The following PIEZO2 variants were observed in gnomAD, a reference collection of about 807,000 sequenced individuals.
PIEZO2 encodes piezo type mechanosensitive ion channel component 2.
PIEZO2 carries 172 observed loss-of-function variants against 337.3 expected under a neutral mutation model. The ratio of observed to expected loss-of-function variants is 0.51; its 90% CI spans 0.45 to 0.58. The LOEUF is 0.58. Ranked by LOEUF, PIEZO2 falls within the 20% of genes least tolerant of loss-of-function variation. PIEZO2 has a pLI of 0.00. For missense variants in PIEZO2, 3,028 were observed against 3,391.3 expected (o/e 0.89, Z 2.66); for synonymous variants, 1,251 against 1,228.5 (o/e 1.02, Z -0.38).
intron 33 of PIEZO2, chr18:10,739,980 G>A (rs2037155008): frequency 6.6e-6 from 1 of 152,164 alleles, no homozygotes. Context: ...ATTTCCTAGT[G>A]ATTCTAAATA....
In PIEZO2 at chr18:11,110,028, T is replaced by C. The variant is rs2039683391; in HGVS notation, c.64+38497A>G. Among the ~76,000 whole-genome samples the C allele has an allele frequency of 6.6e-6, 1 of 152,216 alleles. No homozygotes were observed. The highest frequency in any genetic ancestry group is 2.4e-5 in the African/African-American group (1 of 41,456). On this transcript the variant is annotated intron_variant, in intron 1 of 55. Transcript: ENST00000674853. This position sits in a 1 kb window ranked among gnomAD's most constrained non-coding sequence, Gnocchi z 4.2. ...CATGTTTCTTCCATTTCCATCTTTA[T>C]CTCCATGGTGGGTGGACAATGACAG...
intron 1 of PIEZO2, among the ~76,000 whole-genome samples, chr18:11,138,278 T>C (rs1165350393): frequency 6.6e-6 from 1 of 152,216 alleles, no homozygotes; most frequent in Non-Finnish European, 1.5e-5. Context: ...ATAGTGTTTT[T>C]TTTGTTGTTG....
rs1197337733 is a variant in PIEZO2, at chr18:11,047,136, C to A, written c.160+18991G>T. 1.3e-5 allele frequency among the ~76,000 whole-genome samples: 2 copies of A among 152,204 alleles called. No homozygotes were observed. Among genetic ancestry groups the A allele is most frequent in the African/African-American group, 4.8e-5 (2 of 41,454 alleles). ...TGGCCTGTCCAGGTACACTCAGGAG[C>A]CCCGTTTTCTGCACGTGCCTCCCTG... is the stretch of plus-strand genomic sequence containing the variant. On this transcript the variant is annotated intron_variant, in intron 2 of 55. Transcript: ENST00000674853. This position sits in a 1 kb window ranked among gnomAD's most constrained non-coding sequence, Gnocchi z 7.2.
chr18:11,114,394 G>T (rs2039824293), intron 1 of PIEZO2, among the ~76,000 whole-genome samples: 1 of 152,206 alleles, frequency 6.6e-6, no homozygotes, highest in Non-Finnish European at 1.5e-5. Flanking sequence ...GGCCAAACGT[G>T]GTGGCTCACG....
intron 2 of PIEZO2, among the ~76,000 whole-genome samples, chr18:11,062,342 G>C (rs1341874944): frequency 6.6e-6 from 1 of 152,120 alleles, no homozygotes; most frequent in Admixed American, 6.5e-5. Flanking sequence ...TCAGGACATA[G>C]GCATGGGCAA....
At chr18:10,699,323 C>G in intron 43 of PIEZO2, 146 bp from the exon 44 acceptor site, 2 of 1,122,998 alleles carry the variant, frequency 1.8e-6, no homozygotes, top group Non-Finnish European at 2.5e-6. Context: ...CATATCTCAT[C>G]TTGAATTCCC....
chr18:10,909,726 A>T (rs187174214), intron 4 of PIEZO2, among the ~76,000 whole-genome samples: 7 of 152,306 alleles, frequency 4.6e-5, no homozygotes, highest in Admixed American at 4.6e-4. Context: ...TATGTTTTAG[A>T]TGTTTCATAT....
intron 13 of PIEZO2, among the ~76,000 whole-genome samples, chr18:10,793,131 C>A: frequency 6.6e-6 from 1 of 152,040 alleles, no homozygotes; most frequent in South Asian, 2.1e-4. Context: ...TGGTAGTGGG[C>A]GCCTGTAGTC....
Position 10,863,355 on chromosome 18 carries a change from A to G in PIEZO2, c.493-6144T>C, listed in dbSNP as rs1488845550. Reference sequence around the variant, plus strand: ...CTAACGTGATCGCATTTAATGGATAAAGCAAATATTTTATTCTGTTGCTAC... The same window carrying G: ...CTAACGTGATCGCATTTAATGGATAGAGCAAATATTTTATTCTGTTGCTAC... On this transcript the variant is annotated intron_variant, in intron 5 of 55. Coordinates refer to ENST00000674853, the MANE Select transcript of PIEZO2 (RefSeq NM_001378183.1). This position sits in a 1 kb window ranked among gnomAD's most constrained non-coding sequence, Gnocchi z 4.3. 5.9e-5 allele frequency among the ~76,000 whole-genome samples: 9 copies of G among 152,230 alleles called. No homozygotes were observed. The highest frequency in any genetic ancestry group is 5.2e-4 in the Admixed American group (8 of 15,290).
rs557714445 is a variant in PIEZO2 at position 10,968,856 on chromosome 18, AG to A, written c.286+10678del. Among the ~76,000 whole-genome samples the A allele has an allele frequency of 6.6e-5, 10 of 152,332 alleles. No individual in the cohort carries two copies. The East Asian group carries it at 1.9e-3, about 29-fold the overall frequency. On this transcript the variant is annotated intron_variant, in intron 3 of 55. Coordinates refer to ENST00000674853, the MANE Select transcript of PIEZO2 (RefSeq NM_001378183.1). Reference sequence around the variant, plus strand: ...TTTAAATATCTCTCAAGTAAATGTAAGGCATAAATTATATTAGCAACTGCTT... The same window carrying A: ...TTTAAATATCTCTCAAGTAAATGTAAGCATAAATTATATTAGCAACTGCTT...
chr18:10,851,113 T>G (rs1421909521), intron 7 of PIEZO2, among the ~76,000 whole-genome samples: 1 of 151,480 alleles, frequency 6.6e-6, no homozygotes, highest in East Asian at 1.9e-4. Context: ...TATGTTTGTT[T>G]CCTTCTTTCT....
rs1272389222 is a variant in PIEZO2, at chr18:10,699,126, C to T, written c.6493G>A (p.Glu2165Lys). Residue 2165 changes from glutamate to lysine, a missense_variant, in exon 44 of 56, where the codon GAG (glutamate) becomes AAG (lysine). Coordinates refer to ENST00000674853, the MANE Select transcript of PIEZO2 (RefSeq NM_001378183.1). ...DDMTESGMAR[E>K]ESDDELSLGH... ...AGGGAGAGCTCATCATCTGATTCCT[C>T]CCTGGCCATGCCACTTTCAGTCATG... 20 of 1,537,248 alleles carry T rather than the reference C, an allele frequency of 1.3e-5. No individual in the cohort carries two copies. The highest frequency in any genetic ancestry group is 1.5e-5 in the Non-Finnish European group (17 of 1,146,904).
At chr18:10,755,501 T>C (rs1022737161) in intron 27 of PIEZO2, among the ~76,000 whole-genome samples, 2 of 152,344 alleles carry the variant, frequency 1.3e-5, no homozygotes, top group East Asian at 3.9e-4. Context: ...ACTGAAGATC[T>C]GACTGCAGAG....
chr18:10,801,348 C>A, intron 10 of PIEZO2, 42 bp downstream of exon 10: 1 of 1,434,110 alleles, frequency 7.0e-7, no homozygotes, highest in Non-Finnish European at 9.5e-7. Flanking sequence ...GCCTTTACAT[C>A]ACTTACACAT....
intron 1 of PIEZO2, among the ~76,000 whole-genome samples, chr18:11,136,836 T>A (rs1026388483): frequency 6.6e-6 from 1 of 152,224 alleles, no homozygotes; most frequent in African/African-American, 2.4e-5. Flanking sequence ...TAGTCTACAA[T>A]GTCAATGTAA....
Position 10,855,572 on chromosome 18 carries a change from G to C in PIEZO2, c.704-6C>G, listed in dbSNP as rs1381911598. On this transcript the variant is annotated splice_polypyrimidine_tract_variant and splice_region_variant and intron_variant, in intron 6 of 55. Coordinates refer to ENST00000674853, the MANE Select transcript of PIEZO2 (RefSeq NM_001378183.1). This position sits in a 1 kb window ranked among gnomAD's most constrained non-coding sequence, Gnocchi z 4.9. ...CAAAGACGGCAACATCATGCCTAAG[G>C]AAGAGAAACGTAATCACAAAGTCAG... is the stretch of plus-strand genomic sequence containing the variant. 12 of 1,527,194 alleles carry C rather than the reference G, an allele frequency of 7.9e-6. No homozygotes were observed. In the Admixed American group the frequency reaches 2.4e-4, roughly 30 times the overall value. The allele number at this position is 1,527,194 out of a possible 1,614,324, so 94.6% of individuals were successfully genotyped here. A position where few individuals can be genotyped will look rare whatever the true frequency, so the allele number is the denominator to read the frequency against.
intron 47 of PIEZO2, among the ~76,000 whole-genome samples, chr18:10,692,761 C>T (rs939941941): frequency 6.6e-6 from 1 of 152,180 alleles, no homozygotes; most frequent in African/African-American, 2.4e-5. Context: ...ACTGCTTGAT[C>T]ATCACAGCTT....
At chr18:10,947,674 G>A (rs1233858554) in intron 3 of PIEZO2, among the ~76,000 whole-genome samples, 3 of 152,152 alleles carry the variant, frequency 2.0e-5, no homozygotes, top group Non-Finnish European at 4.4e-5. Flanking sequence ...AAGGGCACTA[G>A]AAATGGTCAC....
chr18:10,979,712 T>C lies in PIEZO2; in HGVS notation c.161-52A>G. On this transcript the variant is annotated intron_variant, in intron 2 of 55. Transcript: ENST00000674853. The surrounding 1 kb of genome is among the most constrained non-coding windows in gnomAD (Gnocchi z 4.0). Reference sequence around the variant, plus strand: ...TGAGAGAGCTTAAGATGAAACACACTGGTGCTGTCTCTTGTACATATTTCT... The same window carrying C: ...TGAGAGAGCTTAAGATGAAACACACCGGTGCTGTCTCTTGTACATATTTCT... 1 of 1,467,664 alleles carries C rather than the reference T, an allele frequency of 6.8e-7. No homozygotes were observed. Among genetic ancestry groups the C allele is most frequent in the Admixed American group, 2.1e-5 (1 of 47,242 alleles). The allele number at this position is 1,467,664 out of a possible 1,614,324, so 90.9% of individuals were successfully genotyped here. A position where few individuals can be genotyped will look rare whatever the true frequency, so the allele number is the denominator to read the frequency against.
Sources: allele counts gnomAD v4.1 joint callset (sites outside exome capture counted in the v4.1 genomes callset), GRCh38; gene constraint gnomAD v4.1.1; non-coding constraint Gnocchi (gnomAD v3.1); transcripts MANE v1.5; gene names NCBI Gene and HGNC (gene_info 2026-07-23, HGNC 2026-07-21).